The following NELL1 variants were observed in gnomAD, a reference collection of about 807,000 sequenced individuals.
The protein encoded by NELL1 is neural EGFL like 1, also known as protein kinase C-binding protein NELL1.
NELL1 carries 76 observed loss-of-function variants against 107.4 expected under a neutral mutation model. The ratio of observed to expected loss-of-function variants is 0.71; its 90% CI spans 0.59 to 0.86. The LOEUF (loss-of-function observed/expected upper bound fraction) is 0.86, where lower values mean the gene tolerates loss of function less well. Among genes scored for constraint, NELL1 ranks in the 40% least tolerant of loss-of-function variants. The pLI, the probability that NELL1 is intolerant of heterozygous loss-of-function variation, is 0.00. For synonymous variants in NELL1, 353 were observed against 341.2 expected (o/e 1.03, Z -0.38); for missense variants, 1,024 against 1,005.5 (o/e 1.02, Z -0.25).
chr11:21,130,902 T>C (rs1468074210), intron 13 of NELL1, among the ~76,000 whole-genome samples: 1 of 128,944 alleles, frequency 7.8e-6, no homozygotes, highest in Non-Finnish European at 1.6e-5. Flanking sequence ...GGTCCCTAAT[T>C]GGGCTGCTGA....
chr11:20,902,161 A>G (rs1174930448), intron 5 of NELL1, among the ~76,000 whole-genome samples: 1 of 152,034 alleles, frequency 6.6e-6, no homozygotes, highest in Non-Finnish European at 1.5e-5. Flanking sequence ...GAAAATACTG[A>G]TGGGTTTACT....
chr11:20,704,190 G>C (rs961860516), intron 2 of NELL1, among the ~76,000 whole-genome samples: 1 of 152,192 alleles, frequency 6.6e-6, no homozygotes, highest in African/African-American at 2.4e-5. Context: ...GGGAGCTGCT[G>C]TATTGGGTGC....
chr11:21,222,988 T>C (rs751284681), intron 13 of NELL1, among the ~76,000 whole-genome samples: 17 of 152,208 alleles, frequency 1.1e-4, no homozygotes, highest in Non-Finnish European at 2.2e-4. Flanking sequence ...GAATGTTCTA[T>C]GTGCTGATGA....
At chr11:20,759,340 A>G (rs1488619601) in intron 2 of NELL1, among the ~76,000 whole-genome samples, 1 of 152,178 alleles carries the variant, frequency 6.6e-6, no homozygotes, top group Non-Finnish European at 1.5e-5. Flanking sequence ...GAAAGGATCC[A>G]TGGTCCACGT....
intron 15 of NELL1, among the ~76,000 whole-genome samples, chr11:21,451,594 T>C (rs1853588384): frequency 1.3e-5 from 2 of 152,178 alleles, no homozygotes; most frequent in South Asian, 4.1e-4. Context: ...TGAAAAAGGT[T>C]CCTGAGAAAT....
At chr11:21,013,528 G>A (rs1438995226) in intron 12 of NELL1, among the ~76,000 whole-genome samples, 1 of 152,134 alleles carries the variant, frequency 6.6e-6, no homozygotes, top group African/African-American at 2.4e-5. Flanking sequence ...TAAATGGACT[G>A]CTGAGGAATA....
At position 20,789,425 on chromosome 11, in the gene NELL1, C is replaced by T. The variant is rs142139503; in HGVS notation, c.335+5595C>T. 6.3e-3 allele frequency among the ~76,000 whole-genome samples: 963 copies of T among 152,298 alleles called. 17 individuals carry two copies. The highest frequency in any genetic ancestry group is 0.022 in the African/African-American group (926 of 41,570). On this transcript the variant is annotated intron_variant, in intron 3 of 19. Transcript: ENST00000357134. ...CAGCTTCCACCAGCACCGGGGAACA[C>T]GGTGGCACCTGGAAGCTTGGAGACA...
chr11:20,706,966 A>T (rs1455469749), intron 2 of NELL1, among the ~76,000 whole-genome samples: 2 of 152,134 alleles, frequency 1.3e-5, no homozygotes, highest in African/African-American at 4.8e-5. Context: ...AGTATTTTCC[A>T]ACTTGGTTCC....
chr11:21,032,391 TTTG>T (rs766002725), intron 12 of NELL1, among the ~76,000 whole-genome samples: 10 of 152,078 alleles, frequency 6.6e-5, no homozygotes, highest in Non-Finnish European at 1.0e-4. Flanking sequence ...TGTTGTTGTT[TTTG>T]TTGTTGTTGT....
intron 3 of NELL1, among the ~76,000 whole-genome samples, chr11:20,800,270 A>G (rs1857256713): frequency 6.6e-6 from 1 of 152,338 alleles, no homozygotes; most frequent in South Asian, 2.1e-4. Context: ...GAAATCTCCA[A>G]AATGCTTTCC....
chr11:21,277,791 T>G (rs2133943477), intron 14 of NELL1, among the ~76,000 whole-genome samples: 1 of 152,190 alleles, frequency 6.6e-6, no homozygotes, highest in Admixed American at 6.5e-5. Context: ...CAGCAAACTG[T>G]TGCAAGGACA....
chr11:21,557,327 A>G lies in NELL1; in HGVS notation c.1787-2862A>G, dbSNP rs990116390. ...GCGCCCTGCTTTTATTGTGCACAAT[A>G]GGTATGTTTATCTTTATGCTCAGCC... On this transcript the variant is annotated intron_variant, in intron 16 of 19. Transcript: ENST00000357134. Among the ~76,000 whole-genome samples the G allele has an allele frequency of 7.2e-5, 11 of 152,070 alleles. 1 individual carries two copies.
chr11:21,242,595 C>T (rs1858391642), intron 14 of NELL1, among the ~76,000 whole-genome samples: 2 of 152,064 alleles, frequency 1.3e-5, no homozygotes, highest in South Asian at 2.1e-4. Context: ...AAATAAACCT[C>T]ATGTATTTCT....
chr11:21,357,753 A>T (rs1304081495), intron 14 of NELL1, among the ~76,000 whole-genome samples: 1 of 152,156 alleles, frequency 6.6e-6, no homozygotes, highest in Admixed American at 6.5e-5. Context: ...TACTGATGTT[A>T]TCTTCTAGAA....
chr11:21,327,420 A>G (rs1367222611), intron 14 of NELL1, among the ~76,000 whole-genome samples: 2 of 152,094 alleles, frequency 1.3e-5, no homozygotes, highest in African/African-American at 4.8e-5. Context: ...TGCCATGTGA[A>G]GAAGGATGTG....
At chr11:21,198,210 A>G (rs1359529283) in intron 13 of NELL1, among the ~76,000 whole-genome samples, 1 of 152,200 alleles carries the variant, frequency 6.6e-6, no homozygotes, top group African/African-American at 2.4e-5. Context: ...GGCTTTTTAC[A>G]GTGTGGAAGC....
chr11:21,496,496 G>A (rs1437238568), intron 15 of NELL1, among the ~76,000 whole-genome samples: 2 of 147,152 alleles, frequency 1.4e-5, no homozygotes, highest in African/African-American at 5.0e-5. Flanking sequence ...TGCAACCTTC[G>A]CCTCTTGGGT....
At chr11:21,501,280 C>A (rs1855133885) in intron 15 of NELL1, among the ~76,000 whole-genome samples, 1 of 152,094 alleles carries the variant, frequency 6.6e-6, no homozygotes, top group Non-Finnish European at 1.5e-5. Flanking sequence ...TGTTCTCTTA[C>A]CCTATCCTTT....
chr11:21,042,225 CA>C (rs1187508787), intron 12 of NELL1, among the ~76,000 whole-genome samples: 2 of 152,142 alleles, frequency 1.3e-5, no homozygotes, highest in African/African-American at 4.8e-5. Context: ...AAGAATTCAT[CA>C]AAACAATCCA....
Sources: allele counts gnomAD v4.1 joint callset (sites outside exome capture counted in the v4.1 genomes callset), GRCh38; gene constraint gnomAD v4.1.1; transcripts MANE v1.5; gene names NCBI Gene and HGNC (gene_info 2026-07-23, HGNC 2026-07-21).